ZSCAN5A: variants seen among roughly 807,000 people sequenced by gnomAD.
The protein encoded by ZSCAN5A is zinc finger and SCAN domain containing 5A.
A neutral mutation model predicts 23.7 loss-of-function variants in ZSCAN5A; 12 were observed. That is an observed-to-expected ratio of 0.51 (90% CI 0.32 to 0.82). The LOEUF is 0.82. ZSCAN5A is among the 40% of genes least tolerant of loss of function. ZSCAN5A has a pLI of 0.03. For synonymous variants in ZSCAN5A, 257 were observed against 239.9 expected, an observed-to-expected ratio of 1.07 and a Z score of -0.66; for missense variants, 597 against 617.9, an observed-to-expected ratio of 0.97 and a Z score of 0.36.
chr19:56,293,719 C>A (rs1706530904), intron 2 of ZSCAN5A, among the ~76,000 whole-genome samples: 1 of 152,144 alleles, frequency 6.6e-6, no homozygotes, highest in South Asian at 2.1e-4. Flanking sequence ...CCTCAGGGGA[C>A]ACCTGGCAAT....
At chr19:56,299,739 G>A (rs1017188603) in intron 2 of ZSCAN5A, 4 of 152,102 alleles carry the variant, frequency 2.6e-5, no homozygotes, top group African/African-American at 9.7e-5. Flanking sequence ...TTATTGTACT[G>A]TTATATTTTT....
At chr19:56,323,992 T>C (rs1312102686) in intron 2 of ZSCAN5A, among the ~76,000 whole-genome samples, 1 of 152,178 alleles carries the variant, frequency 6.6e-6, no homozygotes. Context: ...AACATTTCAA[T>C]TCCTCCCCTC....
intron 2 of ZSCAN5A, chr19:56,342,482 G>A: frequency 5.0e-6 from 2 of 401,784 alleles, no homozygotes; most frequent in South Asian, 2.4e-5. Flanking sequence ...CAAATTCTGT[G>A]TGGGCTGGAA....
intron 2 of ZSCAN5A, among the ~76,000 whole-genome samples, chr19:56,272,335 G>C (rs1351539150): frequency 2.0e-5 from 3 of 152,166 alleles, no homozygotes; most frequent in Non-Finnish European, 4.4e-5. Context: ...GGCCCAGATG[G>C]TCTCTGTCAC....
At chr19:56,252,846 G>C (rs1416807417) in intron 2 of ZSCAN5A, among the ~76,000 whole-genome samples, 1 of 152,194 alleles carries the variant, frequency 6.6e-6, no homozygotes, top group African/African-American at 2.4e-5. Context: ...AGAGGCCTGT[G>C]GTAAGGCAGC....
chr19:56,249,984 C>G (rs1392828817), intron 2 of ZSCAN5A, among the ~76,000 whole-genome samples: 2 of 152,166 alleles, frequency 1.3e-5, no homozygotes, highest in Non-Finnish European at 2.9e-5. Context: ...CGGAAATAGG[C>G]TGGATTCATT....
intron 2 of ZSCAN5A, among the ~76,000 whole-genome samples, chr19:56,284,470 A>G (rs573970182): frequency 1.4e-5 from 1 of 73,096 alleles, no homozygotes; most frequent in Admixed American, 1.8e-4. Context: ...AAACAGAGAT[A>G]AGTAAACAGA....
chr19:56,249,879 A>G (rs2036221307), intron 2 of ZSCAN5A, among the ~76,000 whole-genome samples: 1 of 152,068 alleles, frequency 6.6e-6, no homozygotes, highest in African/African-American at 2.4e-5. Flanking sequence ...GAGCATCTGC[A>G]TTTTCAGTGA....
intron 2 of ZSCAN5A, chr19:56,320,079 T>C (rs879139216): frequency 1.9e-5 from 15 of 774,730 alleles, no homozygotes; most frequent in South Asian, 1.9e-4. Flanking sequence ...TTCTTATACC[T>C]GTCACTGTCT....
At chr19:56,292,922 A>C (rs2039614412) in intron 2 of ZSCAN5A, among the ~76,000 whole-genome samples, 1 of 152,094 alleles carries the variant, frequency 6.6e-6, no homozygotes. Context: ...GCTGAGCAAT[A>C]CTCCATTGCA....
intron 4 of ZSCAN5A, 24 bp downstream of exon 4, chr19:56,223,607 G>A: frequency 6.2e-7 from 1 of 1,611,230 alleles, no homozygotes; most frequent in Non-Finnish European, 8.5e-7. Flanking sequence ...CCTCTGCCCA[G>A]ACACCAAGGC....
intron 2 of ZSCAN5A, chr19:56,244,342 C>A: frequency 6.2e-7 from 1 of 1,603,522 alleles, no homozygotes; most frequent in Non-Finnish European, 8.5e-7. Context: ...CCCAGGAGCT[C>A]CAGGTCTTAG....
intron 2 of ZSCAN5A, among the ~76,000 whole-genome samples, chr19:56,232,349 T>A (rs998570888): frequency 6.6e-6 from 1 of 152,200 alleles, no homozygotes; most frequent in Non-Finnish European, 1.5e-5. Flanking sequence ...CTGTCCCCTT[T>A]CACCTTCGTA....
At chr19:56,267,815 G>C (rs2037577217) in intron 2 of ZSCAN5A, among the ~76,000 whole-genome samples, 1 of 152,174 alleles carries the variant, frequency 6.6e-6, no homozygotes, top group Non-Finnish European at 1.5e-5. Flanking sequence ...TATAGGCAAA[G>C]GCTCTTAGAA....
intron 2 of ZSCAN5A, among the ~76,000 whole-genome samples, chr19:56,270,929 C>T (rs2037802988): frequency 6.6e-6 from 1 of 152,210 alleles, no homozygotes; most frequent in Non-Finnish European, 1.5e-5. Flanking sequence ...AGCATGAGTT[C>T]CTCATGAGCA....
upstream of ZSCAN5A, among the ~76,000 whole-genome samples, chr19:56,319,498 GAAAAAAAAAA>G (rs57164685): frequency 3.1e-3 from 240 of 78,426 alleles, 2 homozygotes; most frequent in South Asian, 4.8e-3. Flanking sequence ...TCCATCTCGG[GAAAAAAAAAA>G]AAAAAAAAAA....
intron 2 of ZSCAN5A, among the ~76,000 whole-genome samples, chr19:56,281,909 C>G (rs550957833): frequency 3.0e-4 from 45 of 152,248 alleles, no homozygotes; most frequent in African/African-American, 1.1e-3. Flanking sequence ...TTGAGGAGGC[C>G]AACAAGCCTC....
chr19:56,300,530 G>A (rs1371411953), intron 2 of ZSCAN5A, among the ~76,000 whole-genome samples: 4 of 152,206 alleles, frequency 2.6e-5, no homozygotes, highest in Non-Finnish European at 5.9e-5. Flanking sequence ...AAGATGTTTC[G>A]AGGTCCTTGA....
chr19:56,244,495 C>T, intron 2 of ZSCAN5A: 1 of 1,494,634 alleles, frequency 6.7e-7, no homozygotes, highest in Non-Finnish European at 9.0e-7. Flanking sequence ...TGCAGCTGGA[C>T]TCGAGAGGAC....
Sources: gnomAD v4.1 joint callset for allele counts (sites outside exome capture counted in the v4.1 genomes callset) on GRCh38, gnomAD v4.1.1 for gene constraint, MANE v1.5 for transcripts, NCBI Gene and HGNC (gene_info 2026-07-23, HGNC 2026-07-21) for gene names.